Variants in PHF21A observed in about 807,000 individuals in gnomAD.
PHF21A encodes BHC80a.
In PHF21A, 11 loss-of-function variants were observed where a neutral mutation model predicts 82.5. That is an observed-to-expected ratio of 0.13 (90% CI 0.08 to 0.22). PHF21A has a LOEUF of 0.22. Among genes scored for constraint, PHF21A ranks in the 10% least tolerant of loss-of-function variants. The pLI, the probability that PHF21A is intolerant of heterozygous loss-of-function variation, is 1.00. For missense variants in PHF21A, 579 were observed against 837.8 expected, an observed-to-expected ratio of 0.69 and a Z score of 3.81; for synonymous variants, 297 against 302.8, an observed-to-expected ratio of 0.98 and a Z score of 0.20.
intron 6 of PHF21A, among the ~76,000 whole-genome samples, chr11:46,049,837 T>G (rs78579936): frequency 2.2e-5 from 1 of 45,206 alleles, no homozygotes; most frequent in African/African-American, 1.0e-4. Flanking sequence ...CTGAGAACCA[T>G]AGGTTCCTAA....
chr11:46,077,754 A>C (rs1319596334), intron 5 of PHF21A, among the ~76,000 whole-genome samples: 1 of 152,224 alleles, frequency 6.6e-6, no homozygotes, highest in Non-Finnish European at 1.5e-5. Flanking sequence ...CAGATTCTTC[A>C]GGTTAAGACA....
intron 6 of PHF21A, among the ~76,000 whole-genome samples, chr11:46,068,166 G>C (rs1450195300): frequency 6.6e-6 from 1 of 152,064 alleles, no homozygotes; most frequent in Non-Finnish European, 1.5e-5. Flanking sequence ...ATGCCTTGTA[G>C]GTCATAACCA....
At chr11:46,000,328 A>G (rs969956608) in intron 6 of PHF21A, among the ~76,000 whole-genome samples, 1 of 152,182 alleles carries the variant, frequency 6.6e-6, no homozygotes, top group African/African-American at 2.4e-5. Context: ...GCTAAGCACT[A>G]CTTCTTCATA....
intron 6 of PHF21A, among the ~76,000 whole-genome samples, chr11:45,998,463 A>G (rs2094988082): frequency 6.6e-6 from 1 of 152,216 alleles, no homozygotes; most frequent in Admixed American, 6.5e-5. Flanking sequence ...AAGTTTCCAC[A>G]TCTATTTTAG....
At chr11:46,000,329 C>T (rs576589021) in intron 6 of PHF21A, among the ~76,000 whole-genome samples, 1 of 152,294 alleles carries the variant, frequency 6.6e-6, no homozygotes, top group East Asian at 1.9e-4. Flanking sequence ...CTAAGCACTA[C>T]TTCTTCATAC....
At chr11:46,110,320 C>T (rs561589613) in intron 1 of PHF21A, among the ~76,000 whole-genome samples, 111 of 152,238 alleles carry the variant, frequency 7.3e-4, no homozygotes, top group Non-Finnish European at 1.3e-3. Context: ...ACACTTAAGA[C>T]CAAGTCTTCT....
chr11:46,016,748 C>G (rs1351066952), intron 6 of PHF21A, among the ~76,000 whole-genome samples: 1 of 151,916 alleles, frequency 6.6e-6, no homozygotes, highest in African/African-American at 2.4e-5. Context: ...TTATAGCCCA[C>G]TACCTGGAGC....
intron 8 of PHF21A, 125 bp from the exon 9 acceptor site, chr11:45,970,029 A>G (rs1280692899): frequency 1.4e-6 from 1 of 737,634 alleles, no homozygotes; most frequent in South Asian, 1.5e-5. Flanking sequence ...TCGTAAGTTA[A>G]TCATCTGAAT....
At chr11:45,964,627 G>A (rs922582156) in intron 10 of PHF21A, among the ~76,000 whole-genome samples, 3 of 152,150 alleles carry the variant, frequency 2.0e-5, no homozygotes, top group East Asian at 1.9e-4. Context: ...ATCACTAGTC[G>A]TTTTTCAAAT....
At chr11:46,001,988 C>G (rs917949067) in intron 6 of PHF21A, among the ~76,000 whole-genome samples, 26 of 152,030 alleles carry the variant, frequency 1.7e-4, no homozygotes, top group Middle Eastern at 3.2e-3. Flanking sequence ...TATGGCAAGA[C>G]GATGCCATTT....
intron 6 of PHF21A, among the ~76,000 whole-genome samples, chr11:46,001,874 T>C (rs550464026): frequency 6.6e-6 from 1 of 152,286 alleles, no homozygotes. Context: ...AGATGGGCCA[T>C]AATACAAGAT....
intron 6 of PHF21A, among the ~76,000 whole-genome samples, chr11:46,042,083 C>T (rs1442772341): frequency 6.6e-6 from 1 of 152,062 alleles, no homozygotes; most frequent in Non-Finnish European, 1.5e-5. Flanking sequence ...CAACCATTGT[C>T]TATAGGAAGT....
chr11:45,965,894 T>G (rs1419127299), intron 9 of PHF21A, among the ~76,000 whole-genome samples: 1 of 152,138 alleles, frequency 6.6e-6, no homozygotes, highest in Non-Finnish European at 1.5e-5. Context: ...ATCCAGAGAC[T>G]GGTCCCACCC....
At chr11:45,980,353 ATGT>A (rs1468827649) in intron 6 of PHF21A, among the ~76,000 whole-genome samples, 3 of 152,142 alleles carry the variant, frequency 2.0e-5, no homozygotes, top group Non-Finnish European at 4.4e-5. Context: ...CAGCTCTAAG[ATGT>A]TGGGTAAGTT....
At chr11:46,040,913 A>G (rs1283333420) in intron 6 of PHF21A, among the ~76,000 whole-genome samples, 1 of 148,882 alleles carries the variant, frequency 6.7e-6, no homozygotes, top group Non-Finnish European at 1.5e-5. Context: ...ACACACACAC[A>G]CACACACACA....
At chr11:46,045,458 A>G (rs1174616608) in intron 6 of PHF21A, among the ~76,000 whole-genome samples, 5 of 152,276 alleles carry the variant, frequency 3.3e-5, no homozygotes, top group South Asian at 2.1e-4. Flanking sequence ...CCAGTGGCTG[A>G]TATGTTTTTA....
In PHF21A at chr11:46,080,074, T is replaced by C. The variant is rs963482400; in HGVS notation, c.55-908A>G. 2.6e-5 allele frequency among the ~76,000 whole-genome samples: 4 copies of C among 152,210 alleles called. 1 individual carries two copies. The highest frequency in any genetic ancestry group is 7.2e-5 in the African/African-American group (3 of 41,442). ...TCAATTTTTCATCTAATGGAAAAAT[T>C]TGTCACTCTCTTTTGGTGACAAGGC... On this transcript the variant is annotated intron_variant, in intron 4 of 18. Transcript: ENST00000676320.
In PHF21A at chr11:45,971,302, A is replaced by C; in HGVS notation, c.426T>G (p.Thr142=). Residue 142 remains threonine, a synonymous_variant, in exon 8 of 19, where the codon ACT becomes ACG. Transcript: ENST00000676320. ...KTLPLVLKAA[T]ATMPASVVGQ... The stretch of plus-strand genomic sequence containing the variant: ...CCACCACAGAGGCAGGCATGGTCGC[A>C]GTTGCTGCTTTCAAGACGAGAGGTA... 1 of 1,614,178 alleles carries C rather than the reference A, an allele frequency of 6.2e-7. No individual in the cohort carries two copies. Among genetic ancestry groups the C allele is most frequent in the Non-Finnish European group, 8.5e-7 (1 of 1,180,022 alleles).
At chr11:45,935,418 T>A in intron 18 of PHF21A, 1 of 706,654 alleles carries the variant, frequency 1.4e-6, no homozygotes, top group Non-Finnish European at 2.4e-6. Flanking sequence ...GCCAAGAGGA[T>A]GTTACAGAGC....
Sources: gnomAD v4.1 joint callset for allele counts (sites outside exome capture counted in the v4.1 genomes callset) on GRCh38, gnomAD v4.1.1 for gene constraint, MANE v1.5 for transcripts, NCBI Gene and HGNC (gene_info 2026-07-23, HGNC 2026-07-21) for gene names.